Variants in HIPK2 observed in about 807,000 individuals in gnomAD.
HIPK2 encodes the protein homeodomain interacting protein kinase 2, also known as homeodomain-interacting protein kinase 2.
A neutral mutation model predicts 113.7 loss-of-function variants in HIPK2; 27 were observed. The ratio of observed to expected loss-of-function variants is 0.24; its 90% CI spans 0.17 to 0.33. The LOEUF (loss-of-function observed/expected upper bound fraction) is 0.33, where lower values mean the gene tolerates loss of function less well. Among genes scored for constraint, HIPK2 ranks in the 10% least tolerant of loss-of-function variants. The probability of loss-of-function intolerance (pLI) is 1.00; values close to 1 mark genes in which losing one functional copy is unlikely to be tolerated. For synonymous variants in HIPK2, 631 were observed against 642.2 expected (o/e 0.98, Z 0.26); for missense variants, 1,257 against 1,588.0 (o/e 0.79, Z 3.54).
chr7:139,588,764 CG>C (rs1798921505), intron 12 of HIPK2, among the ~76,000 whole-genome samples: 1 of 151,906 alleles, frequency 6.6e-6, no homozygotes, highest in Non-Finnish European at 1.5e-5. Context: ...GGGATGAATG[CG>C]GGGGAGTAAA....
At position 139,570,888 on chromosome 7, in the gene HIPK2, A is replaced by T. The variant is rs1359368042; in HGVS notation, c.*2039T>A. ...CCTTGGCCAGATTCTCCTGCCATTCACATTCACATATTTCAGAGTTATTTA... is the reference window on the plus strand; with the variant it reads ...CCTTGGCCAGATTCTCCTGCCATTCTCATTCACATATTTCAGAGTTATTTA... On this transcript the variant is annotated 3_prime_UTR_variant, in exon 15 of 15. Transcript: ENST00000406875. 2 of 152,192 alleles carry T rather than the reference A, an allele frequency of 1.3e-5. No individual in the cohort carries two copies. Among genetic ancestry groups the T allele is most frequent in the African/African-American group, 2.4e-5 (1 of 41,430 alleles). The allele number at this position is 152,192 out of a possible 1,614,324, so 9.4% of individuals were successfully genotyped here. A position where few individuals can be genotyped will look rare whatever the true frequency, so the allele number is the denominator to read the frequency against.
chr7:139,700,144 A>G (rs1794668337), intron 2 of HIPK2, among the ~76,000 whole-genome samples: 3 of 152,158 alleles, frequency 2.0e-5, no homozygotes. Flanking sequence ...GGGAGGGCTG[A>G]CGTGAGACTG....
chr7:139,715,863 A>G (rs1244377621), intron 2 of HIPK2, 69 bp downstream of exon 2: 1 of 1,549,562 alleles, frequency 6.5e-7, no homozygotes, highest in African/African-American at 1.4e-5. Flanking sequence ...CACAGTGACT[A>G]AGGTGGCACA....
At chr7:139,659,059 G>A (rs909833234) in intron 2 of HIPK2, among the ~76,000 whole-genome samples, 8 of 151,214 alleles carry the variant, frequency 5.3e-5, no homozygotes, top group African/African-American at 1.7e-4. Flanking sequence ...CGCTGAGGCC[G>A]ACGGCATGTG....
chr7:139,676,937 C>T (rs1240616793), intron 2 of HIPK2, among the ~76,000 whole-genome samples: 1 of 151,220 alleles, frequency 6.6e-6, no homozygotes, highest in Non-Finnish European at 1.5e-5. Context: ...TCTCGGCTCA[C>T]TGCAACCTCC....
At chr7:139,765,639 T>A (rs529873350) in intron 1 of HIPK2, among the ~76,000 whole-genome samples, 3 of 152,212 alleles carry the variant, frequency 2.0e-5, no homozygotes. Flanking sequence ...AGAATTTACA[T>A]TGGTGTAATG....
At chr7:139,581,041 G>A (rs1798651263) in intron 13 of HIPK2, among the ~76,000 whole-genome samples, 1 of 152,042 alleles carries the variant, frequency 6.6e-6, no homozygotes, top group Non-Finnish European at 1.5e-5. Context: ...CTAACGCGGT[G>A]AAACCCCATC....
At position 139,608,388 on chromosome 7, in the gene HIPK2, T is replaced by G. The variant is rs936375359; in HGVS notation, c.2113-4165A>C. Among the ~76,000 whole-genome samples the G allele has an allele frequency of 2.2e-4, 33 of 148,460 alleles. No homozygotes were observed. In the South Asian group the frequency reaches 6.7e-3, roughly 30 times the overall value. On this transcript the variant is annotated intron_variant, in intron 9 of 14. Coordinates refer to ENST00000406875, the MANE Select transcript of HIPK2 (RefSeq NM_022740.5). The stretch of plus-strand genomic sequence containing the variant: ...TATATATACATATATACATATATAA[T>G]GTAACTATATATATTGTTATGGGGA...
At chr7:139,627,697 G>A (rs1800481457) in intron 5 of HIPK2, among the ~76,000 whole-genome samples, 1 of 152,148 alleles carries the variant, frequency 6.6e-6, no homozygotes, top group Non-Finnish European at 1.5e-5. Flanking sequence ...ACAGTAAGAG[G>A]GGTGCTAAGT....
chr7:139,776,585 C>G (rs989120680), intron 1 of HIPK2, among the ~76,000 whole-genome samples: 1 of 149,280 alleles, frequency 6.7e-6, no homozygotes, highest in Non-Finnish European at 1.5e-5. Flanking sequence ...ATTTCATCCA[C>G]AGAATATCTG....
At chr7:139,660,891 C>T (rs116069338) in intron 2 of HIPK2, among the ~76,000 whole-genome samples, 17 of 152,282 alleles carry the variant, frequency 1.1e-4, no homozygotes, top group Non-Finnish European at 1.5e-4. Context: ...AGGGGAGCTA[C>T]GCACCATTAA....
At chr7:139,715,761 TA>T in intron 2 of HIPK2, 170 bp downstream of exon 2, 1 of 552,600 alleles carries the variant, frequency 1.8e-6, no homozygotes, top group Non-Finnish European at 2.3e-6. Flanking sequence ...ATGTGACTTC[TA>T]ATTGACATCG....
In HIPK2 at chr7:139,749,210, G is replaced by A. The variant is rs375392190; in HGVS notation, c.19+28395C>T. Among the ~76,000 whole-genome samples the A allele has an allele frequency of 2.2e-4, 34 of 152,322 alleles. No homozygotes were observed. The South Asian group carries it at 6.8e-3, about 31-fold the overall frequency. On this transcript the variant is annotated intron_variant, in intron 1 of 14. Transcript: ENST00000406875. ...CAGACTCCTTAACATACTGCTGGAC[G>A]GTCACTGTCATCATACAAATCACTG... is the stretch of plus-strand genomic sequence containing the variant.
intron 2 of HIPK2, among the ~76,000 whole-genome samples, chr7:139,657,273 G>A (rs1801703815): frequency 6.6e-6 from 1 of 152,214 alleles, no homozygotes; most frequent in African/African-American, 2.4e-5. Context: ...CTTGCACGCT[G>A]ACCCTCCGTG....
intron 2 of HIPK2, among the ~76,000 whole-genome samples, chr7:139,635,258 T>C: frequency 6.6e-6 from 1 of 152,106 alleles, no homozygotes; most frequent in East Asian, 1.9e-4. Flanking sequence ...CTCCAGTCTG[T>C]AGGTTTGGAT....
chr7:139,754,205 G>T (rs547820119), intron 1 of HIPK2, among the ~76,000 whole-genome samples: 2 of 152,220 alleles, frequency 1.3e-5, no homozygotes, highest in Non-Finnish European at 2.9e-5. Flanking sequence ...TGCACCTCAG[G>T]CCTTGCCCTT....
chr7:139,706,589 A>G (rs983988929), intron 2 of HIPK2, among the ~76,000 whole-genome samples: 9 of 152,170 alleles, frequency 5.9e-5, no homozygotes, highest in Non-Finnish European at 1.0e-4. Context: ...ACTGAGCTCA[A>G]CCTGCTTCTA....
Position 139,613,427 on chromosome 7 carries a change from T to G in HIPK2, c.1991-104A>C. Reference sequence around the variant, plus strand: ...GTTATGTCAACTTTCTGCTTCCCTTTGCACTGGTCACTGACAACAACCAGG... The same window carrying G: ...GTTATGTCAACTTTCTGCTTCCCTTGGCACTGGTCACTGACAACAACCAGG... On this transcript the variant is annotated intron_variant, in intron 8 of 14. Coordinates refer to ENST00000406875, the MANE Select transcript of HIPK2 (RefSeq NM_022740.5). The surrounding 1 kb of genome is among the most constrained non-coding windows in gnomAD (Gnocchi z 4.2). 1.5e-6 allele frequency: 2 copies of G among 1,378,818 alleles called. No homozygotes were observed. The highest frequency in any genetic ancestry group is 2.0e-6 in the Non-Finnish European group (2 of 1,008,748). The allele number at this position is 1,378,818 out of a possible 1,614,324, so 85.4% of individuals were successfully genotyped here.
chr7:139,638,656 C>CTTTTTTTTTTTTTTT (rs1184555180), intron 2 of HIPK2, among the ~76,000 whole-genome samples: 8 of 130,260 alleles, frequency 6.1e-5, no homozygotes, highest in African/African-American at 2.4e-4. Context: ...AAATAATTGT[C>CTTTTTTTTTTTTTTT]TTTTTTTTTT....
Sources: allele counts gnomAD v4.1 joint callset (sites outside exome capture counted in the v4.1 genomes callset), GRCh38; gene constraint gnomAD v4.1.1; non-coding constraint Gnocchi (gnomAD v3.1); transcripts MANE v1.5; gene names NCBI Gene and HGNC (gene_info 2026-07-23, HGNC 2026-07-21).